KIAA1328: variants seen among roughly 807,000 people sequenced by gnomAD.
KIAA1328 encodes protein hinderin.
In KIAA1328, 52 loss-of-function variants were observed where a neutral mutation model predicts 68.1. The ratio of observed to expected loss-of-function variants is 0.76; its 90% confidence interval spans 0.61 to 0.96. The LOEUF is 0.96. Among genes scored for constraint, KIAA1328 ranks in the 40% least tolerant of loss-of-function variants. The pLI is 0.00. For missense variants in KIAA1328, 641 were observed against 677.6 expected (o/e 0.95, Z 0.60); for synonymous variants, 232 against 239.4 (o/e 0.97, Z 0.28).
rs542973469 is a variant in KIAA1328 at position 37,079,080 on chromosome 18, C to A, written c.1232+11535C>A. The stretch of plus-strand genomic sequence containing the variant: ...AAATAGCAAAGACTTGGAACCAACC[C>A]AAATGTCCAACAATGATAGACTGGA... On this transcript the variant is annotated intron_variant, in intron 7 of 9. Coordinates refer to ENST00000280020, the MANE Select transcript of KIAA1328 (RefSeq NM_020776.3). Among the ~76,000 whole-genome samples the A allele has an allele frequency of 1.3e-3, 189 of 149,694 alleles. 1 individual carries two copies. Among genetic ancestry groups the A allele is most frequent in the African/African-American group, 4.6e-3 (182 of 39,938 alleles).
At chr18:36,956,977 A>G (rs987956952) in intron 5 of KIAA1328, among the ~76,000 whole-genome samples, 3 of 152,202 alleles carry the variant, frequency 2.0e-5, no homozygotes, top group Non-Finnish European at 4.4e-5. Context: ...TAAGATGCCA[A>G]GTATTCAACA....
At chr18:36,837,112 T>C (rs2046702617) in intron 3 of KIAA1328, among the ~76,000 whole-genome samples, 1 of 152,200 alleles carries the variant, frequency 6.6e-6, no homozygotes, top group Non-Finnish European at 1.5e-5. Flanking sequence ...CTTGTGTATA[T>C]ACCTATAAGT....
intron 9 of KIAA1328, among the ~76,000 whole-genome samples, chr18:37,178,786 G>C (rs2059643410): frequency 6.6e-6 from 1 of 152,144 alleles, no homozygotes; most frequent in Non-Finnish European, 1.5e-5. Flanking sequence ...GGAGCAAAGT[G>C]ATATTTCATT....
At chr18:36,831,730 A>G (rs770990073) in intron 1 of KIAA1328, among the ~76,000 whole-genome samples, 1 of 152,212 alleles carries the variant, frequency 6.6e-6, no homozygotes, top group Non-Finnish European at 1.5e-5. Flanking sequence ...TCTGTGGTTG[A>G]TAATAATTAC....
At chr18:36,864,580 C>G (rs1049317803) in intron 4 of KIAA1328, among the ~76,000 whole-genome samples, 4 of 142,088 alleles carry the variant, frequency 2.8e-5, no homozygotes, top group Non-Finnish European at 6.0e-5. Context: ...ATTTTTATAT[C>G]AAAGTGGTCA....
chr18:37,062,918 A>C (rs780378799), intron 6 of KIAA1328, among the ~76,000 whole-genome samples: 1 of 152,144 alleles, frequency 6.6e-6, no homozygotes. Flanking sequence ...ATTTAAAGCT[A>C]TGCAGATTTA....
chr18:37,212,040 T>C (rs987250643), intron 9 of KIAA1328, among the ~76,000 whole-genome samples: 4 of 152,204 alleles, frequency 2.6e-5, no homozygotes, highest in Non-Finnish European at 5.9e-5. Flanking sequence ...CATTGTTTGA[T>C]TTTAAAAAAC....
chr18:36,899,766 A>G (rs2048977969), intron 5 of KIAA1328, among the ~76,000 whole-genome samples: 1 of 151,970 alleles, frequency 6.6e-6, no homozygotes, highest in Non-Finnish European at 1.5e-5. Flanking sequence ...TGGCAGAAGT[A>G]GAGTAAGAGC....
intron 4 of KIAA1328, among the ~76,000 whole-genome samples, chr18:36,852,688 AGTTTCTTTT>A (rs2047251388): frequency 6.6e-6 from 1 of 152,064 alleles, no homozygotes; most frequent in Non-Finnish European, 1.5e-5. Flanking sequence ...TCTTTAAAAC[AGTTTCTTTT>A]GTTTTTTGTT....
intron 7 of KIAA1328, among the ~76,000 whole-genome samples, chr18:37,119,595 A>G (rs982766074): frequency 2.0e-5 from 3 of 152,074 alleles, no homozygotes; most frequent in African/African-American, 7.2e-5. Flanking sequence ...CCACCTCCCC[A>G]TGAATTCATC....
At chr18:36,908,531 G>C (rs1330747265) in intron 5 of KIAA1328, among the ~76,000 whole-genome samples, 1 of 152,102 alleles carries the variant, frequency 6.6e-6, no homozygotes, top group East Asian at 1.9e-4. Context: ...TGTGTGGAAA[G>C]AAAGGTCTCA....
chr18:37,223,045 T>TCGGGGGGGGGCCCC lies in KIAA1328; in HGVS notation c.*819_*820insGGGGGGGGGCCCCC. ...TTATTTACCCAAGTGTTCAGCTTATTCACCCCACCCCCCCACCCCCCATCA... is the reference window on the plus strand; with the variant it reads ...TTATTTACCCAAGTGTTCAGCTTATTCGGGGGGGGGCCCCCACCCCACCCCCCCACCCCCCATCA... On this transcript the variant is annotated 3_prime_UTR_variant, in exon 10 of 10. Coordinates refer to ENST00000280020, the MANE Select transcript of KIAA1328 (RefSeq NM_020776.3). 1.0e-6 allele frequency: 1 copy of TCGGGGGGGGGCCCC among 974,260 alleles called. No homozygotes were observed. Among genetic ancestry groups the TCGGGGGGGGGCCCC allele is most frequent in the Non-Finnish European group, 1.2e-6 (1 of 825,512 alleles). 60.4% of individuals were successfully genotyped at this position (974,260 alleles called of 1,614,324 possible). A position where few individuals can be genotyped will look rare whatever the true frequency, so the allele number is the denominator to read the frequency against.
intron 9 of KIAA1328, among the ~76,000 whole-genome samples, chr18:37,194,348 T>C (rs553914124): frequency 1.3e-5 from 2 of 152,354 alleles, no homozygotes; most frequent in East Asian, 3.9e-4. Context: ...GAATAAACTT[T>C]TATGTTTCAG....
At chr18:37,138,948 CTTTTTTTTTTTTT>C (rs869053490) in intron 7 of KIAA1328, among the ~76,000 whole-genome samples, 1 of 74,166 alleles carries the variant, frequency 1.3e-5, no homozygotes, top group Non-Finnish European at 2.4e-5. Context: ...AAATTTTGTT[CTTTTTTTTTTTTT>C]TTTTTTTTTT....
At chr18:37,202,269 A>G (rs550759588) in intron 9 of KIAA1328, among the ~76,000 whole-genome samples, 122 of 152,342 alleles carry the variant, frequency 8.0e-4, no homozygotes, top group African/African-American at 2.9e-3. Flanking sequence ...GGTTATAACA[A>G]AATTATTTCA....
intron 6 of KIAA1328, among the ~76,000 whole-genome samples, chr18:37,016,583 T>C (rs1245665235): frequency 6.6e-6 from 1 of 152,144 alleles, no homozygotes; most frequent in Non-Finnish European, 1.5e-5. Flanking sequence ...TGTGAATCCA[T>C]CTGGTCTGGG....
rs1014912081 is a variant in KIAA1328 at position 36,844,315 on chromosome 18, C to G, written c.332+13C>G. On this transcript the variant is annotated intron_variant, in intron 4 of 9. Coordinates refer to ENST00000280020, the MANE Select transcript of KIAA1328 (RefSeq NM_020776.3). ...AAGAACTGGCCAGGTGAGATAAAACCTTATATGAAATGATTTATTATACAA... is the reference window on the plus strand; with the variant it reads ...AAGAACTGGCCAGGTGAGATAAAACGTTATATGAAATGATTTATTATACAA... The G allele has an allele frequency of 1.3e-6, 2 of 1,511,660 alleles. No individual in the cohort carries two copies. Among genetic ancestry groups the G allele is most frequent in the African/African-American group, 2.8e-5 (2 of 70,694 alleles). The allele number at this position is 1,511,660 out of a possible 1,614,324, so 93.6% of individuals were successfully genotyped here.
At chr18:37,163,300 C>T (rs1174800124) in intron 8 of KIAA1328, among the ~76,000 whole-genome samples, 1 of 152,166 alleles carries the variant, frequency 6.6e-6, no homozygotes, top group Non-Finnish European at 1.5e-5. Context: ...AATGTTAAAC[C>T]TCTGACCTTG....
chr18:37,060,030 G>T (rs1327449550), intron 6 of KIAA1328, among the ~76,000 whole-genome samples: 2 of 152,012 alleles, frequency 1.3e-5, no homozygotes, highest in African/African-American at 4.8e-5. Context: ...CTAGGGGAGG[G>T]ATAGCATTAG....
Sources: gnomAD v4.1 joint callset for allele counts (sites outside exome capture counted in the v4.1 genomes callset) on GRCh38, gnomAD v4.1.1 for gene constraint, MANE v1.5 for transcripts, NCBI Gene and HGNC (gene_info 2026-07-23, HGNC 2026-07-21) for gene names.